The following PRKCQ variants were observed in gnomAD, a reference collection of about 807,000 sequenced individuals.
PRKCQ encodes the protein protein kinase C theta type.
A neutral mutation model predicts 91.2 loss-of-function variants in PRKCQ; 41 were observed. The ratio of observed to expected loss-of-function variants is 0.45; its 90% confidence interval spans 0.35 to 0.58. The LOEUF is 0.58. Ranked by LOEUF, PRKCQ falls within the 20% of genes least tolerant of loss-of-function variation. The pLI, the probability that PRKCQ is intolerant of heterozygous loss-of-function variation, is 0.00. For missense variants in PRKCQ, 673 were observed against 896.5 expected (o/e 0.75, Z 3.18); for synonymous variants, 307 against 316.9 (o/e 0.97, Z 0.33).
chr10:6,501,698 C>T (rs928795602), intron 4 of PRKCQ, among the ~76,000 whole-genome samples: 4 of 151,970 alleles, frequency 2.6e-5, no homozygotes, highest in Non-Finnish European at 5.9e-5. Flanking sequence ...GTGGAACATG[C>T]TTGTAATCCC....
chr10:6,423,702 C>A (rs185412724), downstream of PRKCQ, among the ~76,000 whole-genome samples: 16 of 152,278 alleles, frequency 1.1e-4, no homozygotes, highest in Non-Finnish European at 1.6e-4. Flanking sequence ...TGTGACCGAC[C>A]CTACCTCCTG....
At chr10:6,412,406 C>G in the PRKCQ span, among the ~76,000 whole-genome samples, 1 of 152,154 alleles carries the variant, frequency 6.6e-6, no homozygotes, top group Non-Finnish European at 1.5e-5. Flanking sequence ...GAAATTAAAG[C>G]TAACTTTAAA....
At chr10:6,394,934 A>C in the PRKCQ span, among the ~76,000 whole-genome samples, 1 of 151,994 alleles carries the variant, frequency 6.6e-6, no homozygotes, top group Non-Finnish European at 1.5e-5. Flanking sequence ...CTTTGCTGTT[A>C]CTGTAACCAT....
At chr10:6,444,161 C>T (rs867369391) in intron 15 of PRKCQ, among the ~76,000 whole-genome samples, 2 of 152,142 alleles carry the variant, frequency 1.3e-5, no homozygotes, top group African/African-American at 2.4e-5. Flanking sequence ...ACCTCTGCCT[C>T]CTGGGTTCAA....
At chr10:6,535,360 A>G (rs931475889) in intron 1 of PRKCQ, among the ~76,000 whole-genome samples, 1 of 152,208 alleles carries the variant, frequency 6.6e-6, no homozygotes, top group Non-Finnish European at 1.5e-5. Context: ...AATTTAAGAA[A>G]CAGCAAAAAT....
chr10:6,434,931 T>C (rs189299299), intron 16 of PRKCQ, among the ~76,000 whole-genome samples: 2 of 152,338 alleles, frequency 1.3e-5, no homozygotes, highest in Non-Finnish European at 2.9e-5. Flanking sequence ...TTTCTTTTTT[T>C]TGAGATGGAG....
Position 6,466,076 on chromosome 10 carries a change from G to A in PRKCQ, c.1354-1672C>T, listed in dbSNP as rs571560969. ...TAATGGCCCTATACAAGCCACAAAGGTGGAATCTTCTTTTAAGTAGTCACG... is the reference window on the plus strand; with the variant it reads ...TAATGGCCCTATACAAGCCACAAAGATGGAATCTTCTTTTAAGTAGTCACG... On this transcript the variant is annotated intron_variant, in intron 12 of 17. Coordinates refer to ENST00000263125, the MANE Select transcript of PRKCQ (RefSeq NM_006257.5). Among the ~76,000 whole-genome samples, 4 of 152,372 alleles carry A rather than the reference G, an allele frequency of 2.6e-5. No homozygotes were observed. In the South Asian group the frequency reaches 8.3e-4, roughly 32 times the overall value.
chr10:6,459,006 C>T (rs1397936466), intron 14 of PRKCQ, among the ~76,000 whole-genome samples: 1 of 152,188 alleles, frequency 6.6e-6, no homozygotes, highest in Admixed American at 6.5e-5. Flanking sequence ...ACCACACCTG[C>T]TTCTCCACAT....
intron 1 of PRKCQ, among the ~76,000 whole-genome samples, chr10:6,524,240 T>C (rs961197380): frequency 1.3e-5 from 2 of 152,244 alleles, no homozygotes; most frequent in Non-Finnish European, 2.9e-5. Context: ...TGTAATGAAC[T>C]CTCATAGACA....
At chr10:6,470,511 G>A (rs1316707166) in intron 12 of PRKCQ, among the ~76,000 whole-genome samples, 3 of 152,188 alleles carry the variant, frequency 2.0e-5, no homozygotes, top group Admixed American at 6.5e-5. Flanking sequence ...GGAAGAAATC[G>A]TTGCTAGGAA....
At chr10:6,409,411 C>T in the PRKCQ span, among the ~76,000 whole-genome samples, 1 of 152,228 alleles carries the variant, frequency 6.6e-6, no homozygotes, top group Non-Finnish European at 1.5e-5. Flanking sequence ...TCTTCTGCCT[C>T]AGCCTCCTGA....
chr10:6,451,413 T>G (rs1434227247), intron 15 of PRKCQ, among the ~76,000 whole-genome samples: 3 of 152,126 alleles, frequency 2.0e-5, no homozygotes, highest in East Asian at 1.9e-4. Flanking sequence ...AATAACAGGA[T>G]CTGAAATTGT....
intron 17 of PRKCQ, 48 bp from the exon 18 acceptor site, chr10:6,428,410 T>C: frequency 6.3e-7 from 1 of 1,586,844 alleles, no homozygotes; most frequent in Non-Finnish European, 8.6e-7. Context: ...AAATCAGCCA[T>C]TAAGTTCATG....
At chr10:6,479,756 C>T (rs112848380) in intron 11 of PRKCQ, among the ~76,000 whole-genome samples, 71 of 137,568 alleles carry the variant, frequency 5.2e-4, no homozygotes, top group African/African-American at 1.9e-3. Context: ...ATGGTGAAAC[C>T]CCGTCTCGAC....
chr10:6,399,230 A>G, the PRKCQ span, among the ~76,000 whole-genome samples: 2 of 152,366 alleles, frequency 1.3e-5, no homozygotes, highest in African/African-American at 4.8e-5. Flanking sequence ...AGTGCCTTGC[A>G]TATAGTAGGT....
chr10:6,457,366 A>G (rs1275819397), intron 14 of PRKCQ, among the ~76,000 whole-genome samples: 1 of 152,184 alleles, frequency 6.6e-6, no homozygotes, highest in Non-Finnish European at 1.5e-5. Flanking sequence ...TTTTTAAAAA[A>G]CAATTAACCG....
chr10:6,504,979 C>T (rs971187694), intron 4 of PRKCQ, among the ~76,000 whole-genome samples: 6 of 151,678 alleles, frequency 4.0e-5, no homozygotes, highest in Non-Finnish European at 7.4e-5. Flanking sequence ...CTGCAAGCTC[C>T]GCCTCCCGGG....
chr10:6,548,112 G>A (rs991187642), intron 1 of PRKCQ, among the ~76,000 whole-genome samples: 2 of 152,168 alleles, frequency 1.3e-5, no homozygotes, highest in African/African-American at 4.8e-5. Context: ...CATTTATGCA[G>A]CCAAAAGACA....
chr10:6,569,773 T>C (rs950241903), intron 1 of PRKCQ, among the ~76,000 whole-genome samples: 50 of 152,158 alleles, frequency 3.3e-4, no homozygotes, highest in African/African-American at 1.2e-3. Flanking sequence ...CAGCAGGTGA[T>C]GTCTATGCCA....
Sources: allele counts gnomAD v4.1 joint callset (sites outside exome capture counted in the v4.1 genomes callset), GRCh38; gene constraint gnomAD v4.1.1; transcripts MANE v1.5; gene names NCBI Gene and HGNC (gene_info 2026-07-23, HGNC 2026-07-21).